The following NRG1 variants were observed in gnomAD, a reference collection of about 807,000 sequenced individuals.
The protein encoded by NRG1 is neuregulin 1.
Under a neutral mutation model 63.8 loss-of-function variants are expected in NRG1, and 18 were observed. The ratio of observed to expected loss-of-function variants is 0.28; its 90% CI spans 0.19 to 0.42. NRG1 has a LOEUF of 0.42. Ranked by LOEUF, NRG1 falls within the 10% of genes least tolerant of loss-of-function variation. The pLI is 1.00. For missense variants in NRG1, 762 were observed against 814.7 expected (o/e 0.94, Z 0.79); for synonymous variants, 302 against 301.3 (o/e 1.00, Z -0.02).
intron 1 of NRG1, among the ~76,000 whole-genome samples, chr8:31,992,952 T>C (rs1364277557): frequency 2.0e-5 from 3 of 151,980 alleles, no homozygotes; most frequent in Admixed American, 2.0e-4. Context: ...TACCCTGAAA[T>C]AGATTCAATT....
At chr8:32,703,886 T>A (rs1050122190) in intron 5 of NRG1, among the ~76,000 whole-genome samples, 15 of 152,202 alleles carry the variant, frequency 9.9e-5, no homozygotes, top group Admixed American at 9.8e-4. Context: ...CCCCAGTGAC[T>A]CCTGCTAAAG....
intron 1 of NRG1, among the ~76,000 whole-genome samples, chr8:32,138,412 G>A (rs76804673): frequency 0.018 from 2,704 of 151,830 alleles, 76 homozygotes; most frequent in African/African-American, 0.062. Flanking sequence ...ACAAGTTTTA[G>A]GATTTCATGT....
intron 1 of NRG1, among the ~76,000 whole-genome samples, chr8:31,771,281 G>A (rs1458072000): frequency 2.0e-5 from 3 of 152,074 alleles, no homozygotes; most frequent in Non-Finnish European, 4.4e-5. Context: ...TTCCCATTCA[G>A]CGTAACACCT....
At chr8:32,059,537 A>AT (rs1823513886) in intron 1 of NRG1, among the ~76,000 whole-genome samples, 1 of 151,974 alleles carries the variant, frequency 6.6e-6, no homozygotes, top group African/African-American at 2.4e-5. Context: ...GCATACTCTC[A>AT]TATTTGTGTG....
chr8:32,650,203 A>T (rs1229360036), intron 5 of NRG1, among the ~76,000 whole-genome samples: 1 of 152,146 alleles, frequency 6.6e-6, no homozygotes, highest in Non-Finnish European at 1.5e-5. Context: ...AGTAGATTAC[A>T]TATTCCTTAT....
At chr8:32,167,556 C>A (rs1685329758) in intron 1 of NRG1, among the ~76,000 whole-genome samples, 1 of 152,188 alleles carries the variant, frequency 6.6e-6, no homozygotes, top group South Asian at 2.1e-4. Flanking sequence ...ATCTACCTTT[C>A]TTCACACAGA....
chr8:32,190,101 C>T (rs2132183602), intron 1 of NRG1, among the ~76,000 whole-genome samples: 1 of 152,110 alleles, frequency 6.6e-6, no homozygotes, highest in South Asian at 2.1e-4. Context: ...AAATAAGTTA[C>T]AAATTGACTG....
chr8:31,807,491 G>A (rs1475425387), intron 1 of NRG1, among the ~76,000 whole-genome samples: 1 of 151,972 alleles, frequency 6.6e-6, no homozygotes, highest in African/African-American at 2.4e-5. Context: ...AAATATTTAT[G>A]GAAGGAAAGA....
At chr8:31,978,725 A>G (rs1808592722) in intron 1 of NRG1, among the ~76,000 whole-genome samples, 1 of 152,132 alleles carries the variant, frequency 6.6e-6, no homozygotes, top group Non-Finnish European at 1.5e-5. Flanking sequence ...GCTTAAATAG[A>G]CAGCACCCTG....
chr8:31,643,853 A>C (rs1487489769), intron 1 of NRG1, among the ~76,000 whole-genome samples: 1 of 152,254 alleles, frequency 6.6e-6, no homozygotes, highest in Admixed American at 6.5e-5. Flanking sequence ...AAAGGAGTAC[A>C]AACACTGAGG....
chr8:31,947,306 CAAAAAAAAA>C (rs61713691), intron 1 of NRG1, among the ~76,000 whole-genome samples: 7 of 132,718 alleles, frequency 5.3e-5, no homozygotes, highest in South Asian at 2.4e-4. Flanking sequence ...GACTCCGTCT[CAAAAAAAAA>C]AAAAAAAAAA....
chr8:32,750,539 C>T (rs1828491447), intron 7 of NRG1, among the ~76,000 whole-genome samples: 2 of 152,044 alleles, frequency 1.3e-5, no homozygotes, highest in Admixed American at 6.6e-5. Context: ...GGTCCCCATC[C>T]AGCTGGCTTC....
chr8:32,772,635 C>G (rs1037299854), downstream of NRG1, among the ~76,000 whole-genome samples: 1 of 152,070 alleles, frequency 6.6e-6, no homozygotes, highest in African/African-American at 2.4e-5. Flanking sequence ...TGGAGGAGCC[C>G]TTGTCTTGAA....
At chr8:32,210,351 G>T (rs1844567862) in intron 1 of NRG1, among the ~76,000 whole-genome samples, 1 of 152,064 alleles carries the variant, frequency 6.6e-6, no homozygotes, top group Non-Finnish European at 1.5e-5. Flanking sequence ...ACATCATATT[G>T]CCTCCAGAAA....
chr8:32,133,691 T>A (rs868630438), intron 1 of NRG1, among the ~76,000 whole-genome samples: 4 of 152,318 alleles, frequency 2.6e-5, no homozygotes, highest in Middle Eastern at 3.4e-3. Context: ...GGATTTTACA[T>A]CTATTATATC....
intron 7 of NRG1, among the ~76,000 whole-genome samples, chr8:32,753,870 G>T (rs1829187041): frequency 6.6e-6 from 1 of 152,080 alleles, no homozygotes. Flanking sequence ...TAAAATATCT[G>T]GGAAATACAA....
At chr8:32,458,908 G>A (rs1821951956) in intron 1 of NRG1, among the ~76,000 whole-genome samples, 1 of 152,066 alleles carries the variant, frequency 6.6e-6, no homozygotes, top group Non-Finnish European at 1.5e-5. Context: ...TATCTCACTG[G>A]CTGCTCATTC....
chr8:31,752,519 C>A (rs1816584830), intron 1 of NRG1, among the ~76,000 whole-genome samples: 1 of 151,992 alleles, frequency 6.6e-6, no homozygotes. Flanking sequence ...ATTTAACATC[C>A]AGTATATGCC....
chr8:31,972,124 T>C (rs758070958), intron 1 of NRG1, among the ~76,000 whole-genome samples: 1 of 152,172 alleles, frequency 6.6e-6, no homozygotes, highest in African/African-American at 2.4e-5. Context: ...TGCCACACTA[T>C]GCCAGTGCCA....
Sources: gnomAD v4.1 joint callset for allele counts (sites outside exome capture counted in the v4.1 genomes callset) on GRCh38, gnomAD v4.1.1 for gene constraint, MANE v1.5 for transcripts, NCBI Gene and HGNC (gene_info 2026-07-23, HGNC 2026-07-21) for gene names.